The following DCAF6 variants were observed in gnomAD, a reference collection of about 807,000 sequenced individuals.
DCAF6 encodes DDB1- and CUL4-associated factor 6.
In DCAF6, 54 loss-of-function variants were observed where a neutral mutation model predicts 125.1. The observed-to-expected ratio is 0.43, with a 90% confidence interval of 0.35 to 0.54. The LOEUF is 0.54. Among genes scored for constraint, DCAF6 ranks in the 20% least tolerant of loss-of-function variants. The probability of loss-of-function intolerance (pLI) is 0.01; values close to 1 mark genes in which losing one functional copy is unlikely to be tolerated. For missense variants in DCAF6, 934 were observed against 1,161.7 expected (o/e 0.80, Z 2.85); for synonymous variants, 371 against 390.4 (o/e 0.95, Z 0.58).
intron 17 of DCAF6, 109 bp from the exon 18 acceptor site, chr1:168,063,512 G>T: frequency 1.1e-6 from 1 of 942,940 alleles, no homozygotes. Flanking sequence ...GCCTTATTGA[G>T]ATAGTGTGTT....
intron 12 of DCAF6, chr1:168,023,540 T>G (rs1037414966): frequency 1.9e-5 from 3 of 160,252 alleles, no homozygotes; most frequent in Non-Finnish European, 4.2e-5. Flanking sequence ...AACCCAGAGG[T>G]AAGCTCAAAA....
chr1:168,045,488 C>G (rs1184595098), intron 16 of DCAF6, among the ~76,000 whole-genome samples: 1 of 152,098 alleles, frequency 6.6e-6, no homozygotes, highest in Non-Finnish European at 1.5e-5. Flanking sequence ...ATTTACAGAT[C>G]AAGAGAAAAG....
chr1:167,899,040 C>G, the DCAF6 span, among the ~76,000 whole-genome samples: 1 of 152,176 alleles, frequency 6.6e-6, no homozygotes, highest in Non-Finnish European at 1.5e-5. Flanking sequence ...GATCCCTCAT[C>G]CTGGGTTAGG....
At chr1:168,019,452 A>G (rs1459983824) in intron 11 of DCAF6, 2 of 389,330 alleles carry the variant, frequency 5.1e-6, no homozygotes, top group East Asian at 7.5e-5. Context: ...AATGAGCTAT[A>G]TGTACATGTA....
chr1:167,863,786 T>G, the DCAF6 span, among the ~76,000 whole-genome samples: 18 of 152,226 alleles, frequency 1.2e-4, no homozygotes, highest in African/African-American at 3.9e-4. Context: ...ATCAACAGAG[T>G]GGCTGAACAC....
chr1:168,016,954 T>C (rs1685056311), intron 11 of DCAF6, among the ~76,000 whole-genome samples: 1 of 152,088 alleles, frequency 6.6e-6, no homozygotes, highest in Non-Finnish European at 1.5e-5. Context: ...ACCTGCACTT[T>C]ATAAATATCT....
At chr1:167,894,057 G>A in the DCAF6 span, 1 of 729,288 alleles carries the variant, frequency 1.4e-6, no homozygotes, top group Non-Finnish European at 2.5e-6. Flanking sequence ...TGTCCTTACA[G>A]TTGTCAGGAG....
At chr1:168,004,342 G>T (rs1029291717) in intron 9 of DCAF6, among the ~76,000 whole-genome samples, 191 bp from the exon 10 acceptor site, 3 of 152,038 alleles carry the variant, frequency 2.0e-5, no homozygotes, top group Non-Finnish European at 4.4e-5. Context: ...ACAAGAATAT[G>T]TTGTAGATAA....
At chr1:167,974,773 A>T in intron 3 of DCAF6, 57 bp from the exon 4 acceptor site, 1 of 1,319,338 alleles carries the variant, frequency 7.6e-7, no homozygotes, top group Non-Finnish European at 1.0e-6. Context: ...TATATTAAAA[A>T]TGAATATTTC....
the DCAF6 span, among the ~76,000 whole-genome samples, chr1:167,923,355 C>T: frequency 6.6e-6 from 1 of 151,996 alleles, no homozygotes; most frequent in Non-Finnish European, 1.5e-5. Context: ...CAATGGAATG[C>T]TATTCAGCAT....
intron 3 of DCAF6, 68 bp downstream of exon 3, chr1:167,966,789 C>T (rs779869746): frequency 9.5e-5 from 91 of 955,698 alleles, no homozygotes; most frequent in Admixed American, 2.3e-4. Flanking sequence ...AATGAAGAAA[C>T]TGTGAACAGT....
chr1:167,875,398 T>C, the DCAF6 span, among the ~76,000 whole-genome samples: 1 of 149,190 alleles, frequency 6.7e-6, no homozygotes, highest in Non-Finnish European at 1.5e-5. Flanking sequence ...AGCATCTGTT[T>C]CCATAGCATC....
At chr1:167,933,678 A>C (rs1670978072), upstream of DCAF6, among the ~76,000 whole-genome samples, 1 of 152,214 alleles carries the variant, frequency 6.6e-6, no homozygotes. Flanking sequence ...AAAATCCTTG[A>C]ATATTCACTC....
At chr1:167,960,476 T>C (rs1054576805) in intron 2 of DCAF6, among the ~76,000 whole-genome samples, 3 of 151,874 alleles carry the variant, frequency 2.0e-5, no homozygotes, top group Non-Finnish European at 2.9e-5. Context: ...TTTTTTTGTA[T>C]CTTTAGTAGA....
Position 167,951,856 on chromosome 1 carries a change from G to T in DCAF6, c.154G>T (p.Gly52Cys). 6.2e-7 allele frequency: 1 copy of T among 1,602,888 alleles called. No individual in the cohort carries two copies. The highest frequency in any genetic ancestry group is 8.5e-7 in the Non-Finnish European group (1 of 1,170,782). Residue 52 changes from glycine to cysteine, a missense_variant, in exon 2 of 22, where the codon GGT (glycine) becomes TGT (cysteine). Physicochemically the swap from Gly to Cys is radical, Grantham distance 159 (BLOSUM62 -3). Coordinates refer to ENST00000367840, the MANE Select transcript of DCAF6 (RefSeq NM_001198956.2). ...KLEATLNVHD[G>C]CVNTICWNDT... ...TGAAGCAACCCTTAATGTGCATGAT[G>T]GTTGTGTAAGTAATAGTTAATTCTC...
At chr1:168,007,290 A>G (rs1020980941) in intron 10 of DCAF6, among the ~76,000 whole-genome samples, 1 of 151,940 alleles carries the variant, frequency 6.6e-6, no homozygotes, top group African/African-American at 2.4e-5. Flanking sequence ...TTTTTTGCCA[A>G]ATTGTTTCTT....
intron 1 of DCAF6, 45 bp from the exon 2 acceptor site, chr1:167,951,755 C>A: frequency 8.0e-7 from 1 of 1,248,614 alleles, no homozygotes; most frequent in South Asian, 1.3e-5. Flanking sequence ...ATATTTTTCT[C>A]AGTATTTGTG....
intron 2 of DCAF6, among the ~76,000 whole-genome samples, chr1:167,952,132 T>A (rs1674050304): frequency 6.6e-6 from 1 of 152,218 alleles, no homozygotes; most frequent in Non-Finnish European, 1.5e-5. Context: ...CCAAATGTGG[T>A]GTTCACTTCT....
intron 20 of DCAF6, among the ~76,000 whole-genome samples, chr1:168,067,385 T>C (rs938219109): frequency 1.3e-5 from 2 of 152,058 alleles, no homozygotes; most frequent in Non-Finnish European, 2.9e-5. Flanking sequence ...GGTATACACA[T>C]AGTGTTTTGG....
Sources: gnomAD v4.1 joint callset for allele counts (sites outside exome capture counted in the v4.1 genomes callset) on GRCh38, gnomAD v4.1.1 for gene constraint, MANE v1.5 for transcripts, NCBI Gene and HGNC (gene_info 2026-07-23, HGNC 2026-07-21) for gene names.